COL25A1: variants seen among roughly 807,000 people sequenced by gnomAD.
COL25A1 encodes the protein collagen alpha-1(XXV) chain.
COL25A1 carries 103 observed loss-of-function variants against 128.4 expected under a neutral mutation model. The ratio of observed to expected loss-of-function variants is 0.80; its 90% CI spans 0.68 to 0.94. COL25A1 has a LOEUF of 0.94. COL25A1 is among the 40% of genes least tolerant of loss of function. The pLI is 0.00. For missense variants in COL25A1, 745 were observed against 840.0 expected (o/e 0.89, Z 1.40); for synonymous variants, 279 against 277.2 (o/e 1.01, Z -0.06).
At chr4:109,210,111 A>G (rs1339863979) in intron 3 of COL25A1, among the ~76,000 whole-genome samples, 1 of 151,994 alleles carries the variant, frequency 6.6e-6, no homozygotes, top group African/African-American at 2.4e-5. Context: ...TATTAATTTC[A>G]TTATAGCTCT....
intron 3 of COL25A1, among the ~76,000 whole-genome samples, chr4:109,135,106 T>A (rs968951918): frequency 6.7e-6 from 1 of 148,766 alleles, no homozygotes; most frequent in Non-Finnish European, 1.5e-5. Context: ...AAGGTGGTGA[T>A]CAAGTGTGAA....
At chr4:109,248,805 G>A (rs1394241002) in intron 3 of COL25A1, among the ~76,000 whole-genome samples, 3 of 152,130 alleles carry the variant, frequency 2.0e-5, no homozygotes, top group African/African-American at 7.2e-5. Flanking sequence ...GATGGTTAAT[G>A]TTGATGGAAA....
In COL25A1 at chr4:108,813,899, C is replaced by T. The variant is rs779380027; in HGVS notation, c.*28G>A. Reference sequence around the variant, plus strand: ...TATTAAAAATGGACCCTTATATACACAACTTCATGCTTGAAAGGTTAGATT... The same window carrying T: ...TATTAAAAATGGACCCTTATATACATAACTTCATGCTTGAAAGGTTAGATT... On this transcript the variant is annotated 3_prime_UTR_variant, in exon 38 of 38. Transcript: ENST00000399132. 14 of 1,577,954 alleles carry T rather than the reference C, an allele frequency of 8.9e-6. No individual in the cohort carries two copies. The highest frequency in any genetic ancestry group is 2.2e-5 in the South Asian group (2 of 89,102).
intron 3 of COL25A1, among the ~76,000 whole-genome samples, chr4:109,273,743 A>G (rs995398355): frequency 2.0e-5 from 3 of 152,134 alleles, no homozygotes; most frequent in African/African-American, 7.2e-5. Context: ...AAAATAAGAC[A>G]CTAACACCTC....
chr4:108,864,188 C>T (rs1737603761), intron 20 of COL25A1, among the ~76,000 whole-genome samples: 1 of 152,118 alleles, frequency 6.6e-6, no homozygotes, highest in African/African-American at 2.4e-5. Context: ...AAATGCCTGT[C>T]AAATAGCTAT....
At chr4:108,820,904 G>A (rs984207084) in intron 35 of COL25A1, among the ~76,000 whole-genome samples, 1 of 152,110 alleles carries the variant, frequency 6.6e-6, no homozygotes, top group South Asian at 2.1e-4. Flanking sequence ...GGCAAAAGGA[G>A]GAGTAGGAAG....
chr4:108,820,719 CA>C (rs35629348), intron 35 of COL25A1, among the ~76,000 whole-genome samples: 15,341 of 135,396 alleles, frequency 0.11, 962 homozygotes, highest in African/African-American at 0.19. Context: ...TAACAAAAGC[CA>C]AAAAAAAAAA....
At chr4:109,022,297 G>C (rs80252600) in intron 5 of COL25A1, 2 of 369,374 alleles carry the variant, frequency 5.4e-6, no homozygotes, top group South Asian at 4.0e-5. Context: ...TATTGGGGGC[G>C]GGTTCCCCCG....
intron 3 of COL25A1, among the ~76,000 whole-genome samples, chr4:109,093,757 A>G (rs936113107): frequency 1.3e-5 from 2 of 152,220 alleles, no homozygotes; most frequent in Admixed American, 1.3e-4. Flanking sequence ...ATAATATATG[A>G]GGCCAAACAT....
intron 11 of COL25A1, among the ~76,000 whole-genome samples, chr4:108,926,222 G>A (rs939606391): frequency 5.3e-5 from 8 of 152,158 alleles, no homozygotes; most frequent in African/African-American, 1.9e-4. Context: ...TTTAAGGCAA[G>A]TTCTGGTTGC....
chr4:109,185,525 G>T, intron 3 of COL25A1, among the ~76,000 whole-genome samples: 1 of 152,102 alleles, frequency 6.6e-6, no homozygotes, highest in East Asian at 1.9e-4. Context: ...CTATTTTTTG[G>T]AAAGAATTTC....
chr4:108,965,840 C>T (rs1279819867), intron 8 of COL25A1, among the ~76,000 whole-genome samples: 2 of 152,068 alleles, frequency 1.3e-5, no homozygotes, highest in Non-Finnish European at 2.9e-5. Context: ...CAAAGAGGGA[C>T]TTAGAATAAA....
intron 8 of COL25A1, among the ~76,000 whole-genome samples, chr4:108,953,048 T>G (rs1352727978): frequency 1.3e-5 from 2 of 152,076 alleles, no homozygotes; most frequent in African/African-American, 4.8e-5. Context: ...TAGATGCCTA[T>G]AATGGATGGA....
chr4:109,170,579 AC>A (rs1773494593), intron 3 of COL25A1, among the ~76,000 whole-genome samples: 2 of 152,206 alleles, frequency 1.3e-5, no homozygotes, highest in Non-Finnish European at 2.9e-5. Flanking sequence ...TTCAGAGTAC[AC>A]GTGCCCATTG....
chr4:109,106,495 C>T (rs188223079), intron 3 of COL25A1, among the ~76,000 whole-genome samples: 1 of 152,136 alleles, frequency 6.6e-6, no homozygotes, highest in East Asian at 1.9e-4. Context: ...GACTGTTATG[C>T]TCATCCACAG....
intron 5 of COL25A1, among the ~76,000 whole-genome samples, chr4:109,042,319 T>C (rs1759987072): frequency 6.6e-6 from 1 of 152,134 alleles, no homozygotes; most frequent in African/African-American, 2.4e-5. Flanking sequence ...TTCATAGTCA[T>C]ATTCTTTTTC....
intron 37 of COL25A1, among the ~76,000 whole-genome samples, chr4:108,816,957 ACAT>A (rs1431173680): frequency 1.1e-4 from 17 of 152,312 alleles, no homozygotes; most frequent in African/African-American, 3.8e-4. Context: ...ATAAGTCAAG[ACAT>A]CATTAAACAA....
At chr4:108,933,516 T>C (rs1747010790) in intron 11 of COL25A1, among the ~76,000 whole-genome samples, 1 of 152,190 alleles carries the variant, frequency 6.6e-6, no homozygotes, top group African/African-American at 2.4e-5. Context: ...CACTCTTAAT[T>C]GCACTATTTG....
intron 3 of COL25A1, among the ~76,000 whole-genome samples, chr4:109,276,846 C>G (rs935321667): frequency 3.9e-5 from 6 of 152,188 alleles, no homozygotes; most frequent in Admixed American, 3.3e-4. Context: ...CATTTCCACT[C>G]CGGGACCCAA....
Sources: gnomAD v4.1 joint callset for allele counts (sites outside exome capture counted in the v4.1 genomes callset) on GRCh38, gnomAD v4.1.1 for gene constraint, MANE v1.5 for transcripts, NCBI Gene and HGNC (gene_info 2026-07-23, HGNC 2026-07-21) for gene names.